SIPA1L2: variants seen among roughly 807,000 people sequenced by gnomAD.
SIPA1L2 encodes the protein signal-induced proliferation-associated 1-like protein 2.
Under a neutral mutation model 163.9 loss-of-function variants are expected in SIPA1L2, and 56 were observed. That is an observed-to-expected ratio of 0.34 (90% confidence interval 0.28 to 0.43). The LOEUF is 0.43. Among genes scored for constraint, SIPA1L2 ranks in the 20% least tolerant of loss-of-function variants. SIPA1L2 has a pLI of 1.00. For synonymous variants in SIPA1L2, 877 were observed against 865.7 expected (o/e 1.01, Z -0.23); for missense variants, 1,974 against 2,193.5 (o/e 0.90, Z 2.00).
intron 1 of SIPA1L2, among the ~76,000 whole-genome samples, chr1:232,625,998 A>G (rs1458941589): frequency 6.6e-6 from 1 of 152,168 alleles, no homozygotes; most frequent in Non-Finnish European, 1.5e-5. Context: ...GATAGATATA[A>G]ATCCACGAGT....
At position 232,407,212 on chromosome 1, in the gene SIPA1L2, G is replaced by T. The variant is rs1254873419; in HGVS notation, c.4763-3034C>A. ...ATTTACTTTTGAGATAATTTAAATG[G>T]ATTTACTATTCCAAATTTGACTTTG... On this transcript the variant is annotated intron_variant, in intron 19 of 22. Transcript: ENST00000674635. Among the ~76,000 whole-genome samples the T allele has an allele frequency of 2.0e-5, 3 of 152,178 alleles. No individual in the cohort carries two copies. In the East Asian group the frequency reaches 5.8e-4, roughly 29 times the overall value.
intron 3 of SIPA1L2, among the ~76,000 whole-genome samples, chr1:232,495,150 G>C (rs1411117785): frequency 6.6e-6 from 1 of 152,226 alleles, no homozygotes; most frequent in African/African-American, 2.4e-5. Context: ...ATGAATACTG[G>C]CTAGACCTTC....
chr1:232,534,972 T>A (rs909913083), intron 2 of SIPA1L2, among the ~76,000 whole-genome samples: 1 of 152,240 alleles, frequency 6.6e-6, no homozygotes, highest in Non-Finnish European at 1.5e-5. Context: ...AACTGGTAGC[T>A]TTATACTCAC....
chr1:232,417,991 T>A (rs1203484822), intron 18 of SIPA1L2, among the ~76,000 whole-genome samples: 2 of 152,202 alleles, frequency 1.3e-5, no homozygotes, highest in South Asian at 4.1e-4. Context: ...TCTATTCAGA[T>A]ACACGGCCAT....
intron 2 of SIPA1L2, among the ~76,000 whole-genome samples, chr1:232,555,552 G>A (rs1289196802): frequency 6.6e-6 from 1 of 152,162 alleles, no homozygotes; most frequent in Non-Finnish European, 1.5e-5. Flanking sequence ...AGACAAAGCA[G>A]ACAGCTGATA....
rs752075830 is a variant in SIPA1L2 at position 232,514,281 on chromosome 1, T to C, written c.1059A>G (p.Lys353=). 20 of 1,613,880 alleles carry C rather than the reference T, an allele frequency of 1.2e-5. No individual in the cohort carries two copies. The highest frequency in any genetic ancestry group is 1.4e-5 in the Non-Finnish European group (17 of 1,180,052). ...ATGCCCCAGTGGTTATGTTTTTCCTTTTCCCCACATTAGCCCTCGTAGCCA... is the reference window on the plus strand; with the variant it reads ...ATGCCCCAGTGGTTATGTTTTTCCTCTTCCCCACATTAGCCCTCGTAGCCA... The part of the protein sequence containing the change: ...EAMATRANVG[K]RKNITTGASA... Residue 353 remains lysine (K), a synonymous_variant, in exon 3 of 23, where the codon AAA becomes AAG. Transcript: ENST00000674635.
chr1:232,571,108 G>T (rs572744874), intron 2 of SIPA1L2, among the ~76,000 whole-genome samples: 1 of 152,156 alleles, frequency 6.6e-6, no homozygotes, highest in African/African-American at 2.4e-5. Context: ...TGTGACAAAA[G>T]ACTAATATCC....
intron 1 of SIPA1L2, among the ~76,000 whole-genome samples, chr1:232,582,309 C>A (rs1217880486): frequency 6.6e-6 from 1 of 152,136 alleles, no homozygotes; most frequent in Non-Finnish European, 1.5e-5. Context: ...CCTTCCCTCC[C>A]TCCCTTCCTC....
chr1:232,450,593 A>T (rs565327772), intron 10 of SIPA1L2, among the ~76,000 whole-genome samples: 1 of 152,318 alleles, frequency 6.6e-6, no homozygotes, highest in South Asian at 2.1e-4. Flanking sequence ...GAAGTTACAG[A>T]TCCTGGAGTT....
Position 232,574,192 on chromosome 1 carries a change from C to T in SIPA1L2, c.-288G>A, listed in dbSNP as rs181783166. Among the ~76,000 whole-genome samples the T allele has an allele frequency of 2.3e-3, 344 of 152,268 alleles. No individual in the cohort carries two copies. The highest frequency in any genetic ancestry group is 4.0e-3 in the Non-Finnish European group (272 of 68,012). On this transcript the variant is annotated 5_prime_UTR_variant, in exon 2 of 23. Transcript: ENST00000674635. ...GGCTTACCTGAGTGGGGAAGAGCAG[C>T]GGGCTCCTGCTCACACAGCCTGGCA... is the stretch of plus-strand genomic sequence containing the variant.
chr1:232,547,585 G>A (rs1348124912), intron 2 of SIPA1L2, among the ~76,000 whole-genome samples: 1 of 147,014 alleles, frequency 6.8e-6, no homozygotes, highest in Non-Finnish European at 1.5e-5. Flanking sequence ...GCTGGGTGGG[G>A]GCTGGGGGGG....
intron 10 of SIPA1L2, among the ~76,000 whole-genome samples, chr1:232,453,229 A>AGAG (rs757566753): frequency 2.6e-5 from 4 of 152,248 alleles, no homozygotes; most frequent in Non-Finnish European, 5.9e-5. Context: ...AGAAAGGGGA[A>AGAG]GAGTCCTAAG....
intron 2 of SIPA1L2, among the ~76,000 whole-genome samples, chr1:232,568,740 C>A (rs1001303109): frequency 6.6e-6 from 1 of 152,122 alleles, no homozygotes; most frequent in Non-Finnish European, 1.5e-5. Flanking sequence ...TTCTATACAT[C>A]TTTTTCACTC....
intron 3 of SIPA1L2, among the ~76,000 whole-genome samples, chr1:232,502,849 C>T (rs1355083228): frequency 6.6e-6 from 1 of 152,220 alleles, no homozygotes; most frequent in African/African-American, 2.4e-5. Flanking sequence ...CGCTGCCTAG[C>T]TTTTATAAAG....
chr1:232,516,521 T>A (rs964521002), intron 2 of SIPA1L2, among the ~76,000 whole-genome samples: 2 of 152,230 alleles, frequency 1.3e-5, no homozygotes, highest in African/African-American at 4.8e-5. Context: ...GTCCTGTGCA[T>A]GTCAGTATCT....
At position 232,441,375 on chromosome 1, in the gene SIPA1L2, T is replaced by A. The variant is rs763387280; in HGVS notation, c.3558A>T (p.Pro1186=). The A allele has an allele frequency of 5.0e-6, 8 of 1,600,666 alleles. No homozygotes were observed. In the East Asian group the frequency reaches 1.8e-4, roughly 36 times the overall value. Residue 1186 remains proline, a synonymous_variant, in exon 14 of 23, where the codon CCA becomes CCT. Coordinates refer to ENST00000674635, the MANE Select transcript of SIPA1L2 (RefSeq NM_020808.5). ...SRHPETKWHG[P]PSKVLGSYKE... ...TATAGGAACCCAGGACTTTGGAAGGTGGGCCATGCCATTTGGTTTCTGTCA... is the reference window on the plus strand; with the variant it reads ...TATAGGAACCCAGGACTTTGGAAGGAGGGCCATGCCATTTGGTTTCTGTCA...
At chr1:232,545,993 T>C (rs1394389412) in intron 2 of SIPA1L2, among the ~76,000 whole-genome samples, 2 of 152,234 alleles carry the variant, frequency 1.3e-5, no homozygotes, top group East Asian at 3.8e-4. Flanking sequence ...CTGGTGTCAC[T>C]GACGTAGGCA....
At chr1:232,477,923 C>T (rs372333165) in intron 7 of SIPA1L2, among the ~76,000 whole-genome samples, 2 of 152,082 alleles carry the variant, frequency 1.3e-5, no homozygotes, top group African/African-American at 2.4e-5. Flanking sequence ...TACTCGATGA[C>T]GGGGGTCAAA....
intron 2 of SIPA1L2, among the ~76,000 whole-genome samples, chr1:232,538,504 CCA>C (rs1049193912): frequency 3.9e-5 from 6 of 152,220 alleles, no homozygotes; most frequent in African/African-American, 9.6e-5. Flanking sequence ...AGCTCCCTTT[CCA>C]CAGAGTCCCC....
Sources: allele counts gnomAD v4.1 joint callset (sites outside exome capture counted in the v4.1 genomes callset), GRCh38; gene constraint gnomAD v4.1.1; transcripts MANE v1.5; gene names NCBI Gene and HGNC (gene_info 2026-07-23, HGNC 2026-07-21).